ATF6: variants seen among roughly 807,000 people sequenced by gnomAD.
ATF6 encodes the protein activating transcription factor 6.
Under a neutral mutation model 83.6 loss-of-function variants are expected in ATF6, and 53 were observed. The observed-to-expected ratio is 0.63, with a 90% confidence interval of 0.51 to 0.80. ATF6 has a LOEUF of 0.80. Among genes scored for constraint, ATF6 ranks in the 30% least tolerant of loss-of-function variants. The pLI is 0.00. For missense variants in ATF6, 744 were observed against 797.9 expected, an observed-to-expected ratio of 0.93 and a Z score of 0.81; for synonymous variants, 288 against 285.8, an observed-to-expected ratio of 1.01 and a Z score of -0.08.
intron 9 of ATF6, among the ~76,000 whole-genome samples, chr1:161,822,055 A>G (rs1191548071): frequency 6.6e-6 from 1 of 152,216 alleles, no homozygotes; most frequent in Non-Finnish European, 1.5e-5. Flanking sequence ...CATCGGAGGA[A>G]GCAAACATAG....
intron 9 of ATF6, among the ~76,000 whole-genome samples, chr1:161,839,825 T>C (rs1453838028): frequency 1.3e-5 from 2 of 152,146 alleles, no homozygotes; most frequent in African/African-American, 4.8e-5. Context: ...TGGAAATGTG[T>C]CTTGCATGTT....
At chr1:161,766,529 A>G (rs1363327117) in intron 1 of ATF6, 87 bp downstream of exon 1, 3 of 1,304,342 alleles carry the variant, frequency 2.3e-6, no homozygotes, top group Admixed American at 3.8e-5. Flanking sequence ...TCGTGGTGAC[A>G]GGTGTGGACC....
chr1:161,812,177 A>G (rs1571152413), intron 7 of ATF6, among the ~76,000 whole-genome samples: 1 of 152,132 alleles, frequency 6.6e-6, no homozygotes, highest in Admixed American at 6.5e-5. Flanking sequence ...GCTCTTTGAA[A>G]TGAATCAGGG....
chr1:161,921,024 C>G (rs1688204319), intron 15 of ATF6, among the ~76,000 whole-genome samples: 1 of 152,034 alleles, frequency 6.6e-6, no homozygotes, highest in Non-Finnish European at 1.5e-5. Flanking sequence ...AGCCACCGTG[C>G]CTGGCCATCC....
intron 4 of ATF6, among the ~76,000 whole-genome samples, chr1:161,784,587 G>A (rs1684704707): frequency 1.3e-5 from 2 of 152,068 alleles, no homozygotes; most frequent in African/African-American, 2.4e-5. Flanking sequence ...CTTCTGCTCT[G>A]TGTCCAGACA....
At chr1:161,815,892 A>G (rs763573315) in intron 7 of ATF6, among the ~76,000 whole-genome samples, 6 of 152,186 alleles carry the variant, frequency 3.9e-5, no homozygotes, top group Non-Finnish European at 8.8e-5. Context: ...GTAAGCTGCA[A>G]TTGTGCCACT....
intron 10 of ATF6, among the ~76,000 whole-genome samples, chr1:161,850,392 A>C (rs1284931066): frequency 2.0e-5 from 3 of 151,824 alleles, no homozygotes; most frequent in Non-Finnish European, 4.4e-5. Context: ...CTCTTACCCC[A>C]GTTTCTATAG....
intron 9 of ATF6, among the ~76,000 whole-genome samples, chr1:161,845,168 G>A (rs763838490): frequency 6.6e-6 from 1 of 152,138 alleles, no homozygotes; most frequent in Non-Finnish European, 1.5e-5. Context: ...CTAGAGAGGT[G>A]TGTCTGCTCC....
intron 14 of ATF6, among the ~76,000 whole-genome samples, chr1:161,911,854 G>A (rs1218163368): frequency 6.6e-6 from 1 of 152,166 alleles, no homozygotes; most frequent in African/African-American, 2.4e-5. Flanking sequence ...ACTGTTTAGG[G>A]GAGATACTCT....
intron 12 of ATF6, among the ~76,000 whole-genome samples, chr1:161,858,586 T>C (rs1429867706): frequency 6.6e-6 from 1 of 152,178 alleles, no homozygotes; most frequent in Non-Finnish European, 1.5e-5. Flanking sequence ...CAATTCTAAA[T>C]GTCTAGGCCC....
At chr1:161,886,282 C>T (rs755610233) in intron 14 of ATF6, among the ~76,000 whole-genome samples, 8 of 152,178 alleles carry the variant, frequency 5.3e-5, no homozygotes, top group African/African-American at 1.9e-4. Context: ...TATGATCAGA[C>T]TTGCATTTCA....
chr1:161,795,560 C>A (rs945726645), intron 6 of ATF6, among the ~76,000 whole-genome samples: 1 of 152,120 alleles, frequency 6.6e-6, no homozygotes, highest in African/African-American at 2.4e-5. Flanking sequence ...AGTTTAAAAT[C>A]TTTGAAGAAA....
rs959279341 is a variant in ATF6 at position 161,863,075 on chromosome 1, G to A, written c.1605-123G>A. 1.0e-4 allele frequency: 57 copies of A among 546,278 alleles called. No individual in the cohort carries two copies. The African/African-American group carries it at 1.1e-3, about 10-fold the overall frequency. The allele number at this position is 546,278 out of a possible 1,614,324, so 33.8% of individuals were successfully genotyped here. On this transcript the variant is annotated intron_variant, in intron 13 of 15. Coordinates refer to ENST00000367942, the MANE Select transcript of ATF6 (RefSeq NM_007348.4). The stretch of plus-strand genomic sequence containing the variant: ...TATTGTTATAAAAATTACTGCCAAA[G>A]TGCAACTAATATTTTGGTTGAGAGA...
At chr1:161,866,201 T>C (rs1355672557) in intron 14 of ATF6, among the ~76,000 whole-genome samples, 1 of 152,234 alleles carries the variant, frequency 6.6e-6, no homozygotes, top group African/African-American at 2.4e-5. Flanking sequence ...GCAAGCTATG[T>C]TATTTTATTT....
intron 6 of ATF6, among the ~76,000 whole-genome samples, chr1:161,800,996 A>G (rs1257861264): frequency 1.3e-5 from 2 of 152,190 alleles, no homozygotes; most frequent in Admixed American, 6.5e-5. Context: ...CGTTAACAGC[A>G]TCATCTTCAT....
At chr1:161,935,500 T>C (rs940222905) in intron 15 of ATF6, among the ~76,000 whole-genome samples, 5 of 152,218 alleles carry the variant, frequency 3.3e-5, no homozygotes, top group African/African-American at 1.2e-4. Flanking sequence ...CTTCTCAGCC[T>C]CCAGACTGTG....
At chr1:161,901,390 T>C (rs1445600081) in intron 14 of ATF6, among the ~76,000 whole-genome samples, 1 of 137,118 alleles carries the variant, frequency 7.3e-6, no homozygotes, top group Admixed American at 7.4e-5. Context: ...TTAGTAGAAA[T>C]AAAAATTAAG....
At chr1:161,947,838 T>TTTTTTTTG (rs1558036949) in intron 15 of ATF6, among the ~76,000 whole-genome samples, 1 of 80,432 alleles carries the variant, frequency 1.2e-5, no homozygotes, top group African/African-American at 3.9e-5. Context: ...TTTTTTTTTT[T>TTTTTTTTG]TTTGAGATGG....
chr1:161,814,702 A>G (rs1685568687), intron 7 of ATF6, among the ~76,000 whole-genome samples: 1 of 152,208 alleles, frequency 6.6e-6, no homozygotes, highest in African/African-American at 2.4e-5. Flanking sequence ...GAGTAGAGAT[A>G]GTGAAAGTCT....
Sources: gnomAD v4.1 joint callset for allele counts (sites outside exome capture counted in the v4.1 genomes callset) on GRCh38, gnomAD v4.1.1 for gene constraint, MANE v1.5 for transcripts, NCBI Gene and HGNC (gene_info 2026-07-23, HGNC 2026-07-21) for gene names.